Variants in KDM4B observed in about 807,000 individuals in gnomAD.
KDM4B encodes the protein lysine demethylase 4B.
KDM4B carries 32 observed loss-of-function variants against 125.2 expected under a neutral mutation model. That is an observed-to-expected ratio of 0.26 (90% CI 0.19 to 0.34). KDM4B has a LOEUF of 0.34. Ranked by LOEUF, KDM4B falls within the 10% of genes least tolerant of loss-of-function variation. The probability of loss-of-function intolerance (pLI) is 1.00; values close to 1 mark genes in which losing one functional copy is unlikely to be tolerated. For missense variants in KDM4B, 1,190 were observed against 1,577.7 expected (o/e 0.75, Z 4.16); for synonymous variants, 721 against 677.9 (o/e 1.06, Z -0.99).
chr19:5,051,893 C>G (rs2037237481), intron 6 of KDM4B, among the ~76,000 whole-genome samples: 1 of 152,222 alleles, frequency 6.6e-6, no homozygotes, highest in Non-Finnish European at 1.5e-5. Context: ...ATCGCTCCGC[C>G]CACCCTCTCC....
chr19:5,043,390 C>T (rs1436043412), intron 5 of KDM4B, among the ~76,000 whole-genome samples: 9 of 142,312 alleles, frequency 6.3e-5, no homozygotes, highest in Non-Finnish European at 1.1e-4. Flanking sequence ...TGGTGTTTAT[C>T]GGAGTGGGGG....
intron 5 of KDM4B, among the ~76,000 whole-genome samples, chr19:5,046,836 C>T (rs1229204163): frequency 1.3e-5 from 2 of 152,194 alleles, no homozygotes. Flanking sequence ...GACTTAGAGG[C>T]GTGTTAATTA....
chr19:5,066,066 C>T (rs2037760100), intron 6 of KDM4B, among the ~76,000 whole-genome samples: 1 of 152,222 alleles, frequency 6.6e-6, no homozygotes, highest in African/African-American at 2.4e-5. Context: ...TGACCAGTGT[C>T]TCTGGACACC....
chr19:5,057,696 C>T (rs888741627), intron 6 of KDM4B, among the ~76,000 whole-genome samples: 13 of 152,178 alleles, frequency 8.5e-5, no homozygotes, highest in South Asian at 2.1e-4. Context: ...GCCCTTGAAG[C>T]GCTGCCCTGT....
intron 21 of KDM4B, 42 bp downstream of exon 21, chr19:5,144,944 CTCT>C: frequency 6.2e-7 from 1 of 1,611,544 alleles, no homozygotes; most frequent in Non-Finnish European, 8.5e-7. Flanking sequence ...CTTCACCAAG[CTCT>C]TCTTGTAGGT....
At chr19:5,146,570 C>G (rs1451124797) in intron 21 of KDM4B, among the ~76,000 whole-genome samples, 1 of 152,162 alleles carries the variant, frequency 6.6e-6, no homozygotes, top group African/African-American at 2.4e-5. Context: ...TAGCCCATCC[C>G]AGGCAGCAGC....
chr19:5,006,322 C>T (rs772813063), intron 1 of KDM4B, among the ~76,000 whole-genome samples: 13 of 152,136 alleles, frequency 8.5e-5, no homozygotes, highest in South Asian at 8.3e-4. Context: ...GCTGTTTCCC[C>T]GCAGCCCACG....
intron 1 of KDM4B, among the ~76,000 whole-genome samples, chr19:5,001,457 T>A (rs904067191): frequency 4.6e-5 from 7 of 152,228 alleles, no homozygotes; most frequent in Admixed American, 1.3e-4. Context: ...CTTGCAGGGA[T>A]GCAGCGAAGT....
At chr19:4,991,570 G>A (rs924770388) in intron 1 of KDM4B, among the ~76,000 whole-genome samples, 7 of 152,198 alleles carry the variant, frequency 4.6e-5, no homozygotes, top group South Asian at 2.1e-4. Context: ...TTAGTGTCCC[G>A]TTAAAACTAG....
chr19:4,976,616 T>C (rs2034454797), intron 1 of KDM4B, among the ~76,000 whole-genome samples: 1 of 152,244 alleles, frequency 6.6e-6, no homozygotes. Flanking sequence ...TCGTTACCAG[T>C]GCTAGCGCCC....
chr19:4,987,133 A>G (rs2034863828), intron 1 of KDM4B, among the ~76,000 whole-genome samples: 1 of 151,808 alleles, frequency 6.6e-6, no homozygotes, highest in African/African-American at 2.4e-5. Context: ...TAATTTTTAT[A>G]TTTTTAGTAG....
intron 2 of KDM4B, among the ~76,000 whole-genome samples, chr19:5,026,030 A>C (rs1297944150): frequency 6.6e-6 from 1 of 151,240 alleles, no homozygotes; most frequent in Non-Finnish European, 1.5e-5. Flanking sequence ...TTACAGGCGC[A>C]TGCCACCACA....
chr19:5,003,901 C>T (rs919287221), intron 1 of KDM4B, among the ~76,000 whole-genome samples: 7 of 152,186 alleles, frequency 4.6e-5, no homozygotes, highest in East Asian at 3.8e-4. Context: ...GTTTGGTCTT[C>T]CTCGTCTCTC....
Position 5,036,002 on chromosome 19 carries a change from C to T in KDM4B, c.141+2971C>T, listed in dbSNP as rs142277720. On this transcript the variant is annotated intron_variant, in intron 3 of 22. Transcript: ENST00000159111. ...CCCGCATGTGGCACACGCACACCCC[C>T]TTCTGCAGCTCTGTGGGGACAGATG... 2.6e-3 allele frequency among the ~76,000 whole-genome samples: 402 copies of T among 152,320 alleles called. 2 individuals are homozygous for T. The highest frequency in any genetic ancestry group is 9.1e-3 in the African/African-American group (380 of 41,582).
At chr19:5,088,224 G>T (rs918589213) in intron 9 of KDM4B, among the ~76,000 whole-genome samples, 1 of 152,224 alleles carries the variant, frequency 6.6e-6, no homozygotes, top group Non-Finnish European at 1.5e-5. Flanking sequence ...ACACCTGCAG[G>T]GGCAGGGAGT....
At chr19:4,983,834 A>G (rs937588032) in intron 1 of KDM4B, among the ~76,000 whole-genome samples, 8 of 152,134 alleles carry the variant, frequency 5.3e-5, no homozygotes, top group African/African-American at 1.7e-4. Flanking sequence ...GGGAGGATGG[A>G]CACCCGGAGA....
At chr19:5,096,181 G>T (rs1016409288) in intron 9 of KDM4B, among the ~76,000 whole-genome samples, 11 of 151,622 alleles carry the variant, frequency 7.3e-5, no homozygotes, top group Non-Finnish European at 1.6e-4. Context: ...TGCCTCCCGG[G>T]CTCAAGCGAG....
At chr19:5,147,951 C>T (rs1013070433) in intron 21 of KDM4B, among the ~76,000 whole-genome samples, 2 of 152,008 alleles carry the variant, frequency 1.3e-5, no homozygotes, top group Admixed American at 1.3e-4. Context: ...CTGCCTGCCC[C>T]GAGGCCAAGG....
intron 2 of KDM4B, among the ~76,000 whole-genome samples, chr19:5,020,317 G>A (rs903807155): frequency 1.5e-4 from 22 of 148,226 alleles, no homozygotes; most frequent in Non-Finnish European, 2.7e-4. Flanking sequence ...TGGTGTGGGT[G>A]TTGGTGTGCA....
Sources: allele counts gnomAD v4.1 joint callset (sites outside exome capture counted in the v4.1 genomes callset), GRCh38; gene constraint gnomAD v4.1.1; transcripts MANE v1.5; gene names NCBI Gene and HGNC (gene_info 2026-07-23, HGNC 2026-07-21).